Variants in CNTNAP5 observed in about 807,000 individuals in gnomAD.
CNTNAP5 encodes the protein contactin-associated protein-like 5.
A neutral mutation model predicts 150.2 loss-of-function variants in CNTNAP5; 72 were observed. That is an observed-to-expected ratio of 0.48 (90% CI 0.40 to 0.58). The LOEUF (loss-of-function observed/expected upper bound fraction) is 0.58, where lower values mean the gene tolerates loss of function less well. CNTNAP5 is among the 20% of genes least tolerant of loss of function. The pLI is 0.00. For synonymous variants in CNTNAP5, 672 were observed against 619.8 expected (o/e 1.08, Z -1.25); for missense variants, 1,636 against 1,626.2 (o/e 1.01, Z -0.10).
intron 16 of CNTNAP5, among the ~76,000 whole-genome samples, chr2:124,765,686 T>A (rs1284430265): frequency 6.6e-6 from 1 of 152,178 alleles, no homozygotes; most frequent in Non-Finnish European, 1.5e-5. Flanking sequence ...CAAGGCGCAG[T>A]GGCTCACACC....
intron 1 of CNTNAP5, among the ~76,000 whole-genome samples, chr2:124,049,174 A>G (rs1681624923): frequency 6.6e-6 from 1 of 152,152 alleles, no homozygotes; most frequent in Admixed American, 6.5e-5. Flanking sequence ...TTCATTTGGT[A>G]CCACAACAAG....
chr2:124,580,576 G>A (rs181624109), intron 11 of CNTNAP5, among the ~76,000 whole-genome samples: 2 of 152,340 alleles, frequency 1.3e-5, no homozygotes, highest in Non-Finnish European at 2.9e-5. Flanking sequence ...ACACTTAAAT[G>A]TAATTTGGCT....
intron 13 of CNTNAP5, among the ~76,000 whole-genome samples, chr2:124,670,215 CTCTTTCTT>C (rs140009258): frequency 0.24 from 33,111 of 140,572 alleles, 4,270 homozygotes; most frequent in African/African-American, 0.37. Context: ...CCTTCTTTCC[CTCTTTCTT>C]TCTTTCTTTC....
intron 13 of CNTNAP5, among the ~76,000 whole-genome samples, chr2:124,698,084 A>T (rs548646096): frequency 6.6e-6 from 1 of 152,172 alleles, no homozygotes; most frequent in East Asian, 1.9e-4. Flanking sequence ...TTTTTTCCCC[A>T]AATAATGATA....
At chr2:124,662,947 A>G (rs1173447768) in intron 13 of CNTNAP5, among the ~76,000 whole-genome samples, 4 of 152,224 alleles carry the variant, frequency 2.6e-5, no homozygotes, top group Non-Finnish European at 4.4e-5. Context: ...AGAAAAAGGA[A>G]AGCTGTTAAC....
At chr2:124,525,099 GAAGA>G (rs1694933852) in intron 9 of CNTNAP5, among the ~76,000 whole-genome samples, 1 of 152,170 alleles carries the variant, frequency 6.6e-6, no homozygotes, top group East Asian at 1.9e-4. Flanking sequence ...AGCTGATGGT[GAAGA>G]AAAACATAAT....
In CNTNAP5 at chr2:124,740,836, TGACCTGCTGG is replaced by T; in HGVS notation, c.2078-6391_2078-6382del. 3.9e-5 allele frequency among the ~76,000 whole-genome samples: 6 copies of T among 152,282 alleles called. 1 individual carries two copies. The South Asian group carries it at 1.2e-3, about 32-fold the overall frequency. On this transcript the variant is annotated intron_variant, in intron 13 of 23. Coordinates refer to ENST00000682447, the MANE Select transcript of CNTNAP5 (RefSeq NM_001367498.1). ...TCTGGGGCCGTGGCTGGAGAGGTCA[TGACCTGCTGG>T]GGCATGTTCCCAGGGTCATGTCAAG...
intron 3 of CNTNAP5, among the ~76,000 whole-genome samples, chr2:124,328,222 C>T (rs1404000529): frequency 1.3e-5 from 2 of 151,792 alleles, no homozygotes; most frequent in Admixed American, 6.6e-5. Flanking sequence ...CAAGTTGGTA[C>T]TTTAGAGTAA....
At chr2:124,550,246 C>A (rs1267389229) in intron 10 of CNTNAP5, among the ~76,000 whole-genome samples, 1 of 151,996 alleles carries the variant, frequency 6.6e-6, no homozygotes, top group Admixed American at 6.6e-5. Flanking sequence ...AAAATAAAAC[C>A]CCACAATTTG....
At chr2:124,452,724 C>T (rs982527392) in intron 6 of CNTNAP5, among the ~76,000 whole-genome samples, 4 of 152,134 alleles carry the variant, frequency 2.6e-5, no homozygotes, top group Non-Finnish European at 1.5e-5. Context: ...ACCCGCAGTA[C>T]CAGCACAGAG....
intron 3 of CNTNAP5, among the ~76,000 whole-genome samples, chr2:124,363,106 A>G (rs115649158): frequency 6.6e-6 from 1 of 152,322 alleles, no homozygotes; most frequent in Non-Finnish European, 1.5e-5. Context: ...TGAAGGCACT[A>G]TGATGTTTGT....
intron 19 of CNTNAP5, among the ~76,000 whole-genome samples, chr2:124,816,645 T>G (rs1682368987): frequency 6.6e-6 from 1 of 151,822 alleles, no homozygotes; most frequent in African/African-American, 2.4e-5. Context: ...ACCTGGCTAA[T>G]TTTTGTATTT....
In CNTNAP5 at chr2:124,172,638, T is replaced by A. The variant is rs370395179; in HGVS notation, c.83-49067T>A. On this transcript the variant is annotated intron_variant, in intron 1 of 23. Coordinates refer to ENST00000682447, the MANE Select transcript of CNTNAP5 (RefSeq NM_001367498.1). The stretch of plus-strand genomic sequence containing the variant: ...CATGTTGCTCAAGCTGATCTCGAAC[T>A]TCTGAGCTCTAGCAATCTGTCCTTC... Among the ~76,000 whole-genome samples, 11 of 152,300 alleles carry A rather than the reference T, an allele frequency of 7.2e-5. No individual in the cohort carries two copies. The East Asian group carries it at 1.7e-3, about 24-fold the overall frequency.
intron 6 of CNTNAP5, among the ~76,000 whole-genome samples, chr2:124,457,535 T>C (rs529325792): frequency 6.6e-6 from 1 of 152,088 alleles, no homozygotes; most frequent in Non-Finnish European, 1.5e-5. Context: ...TAGGAAAATG[T>C]CTTTTTATTA....
intron 1 of CNTNAP5, among the ~76,000 whole-genome samples, chr2:124,085,921 G>A (rs1682677042): frequency 6.6e-6 from 1 of 152,092 alleles, no homozygotes; most frequent in Admixed American, 6.5e-5. Flanking sequence ...CCACAATATG[G>A]TCTGTCTTGA....
chr2:124,844,005 T>A (rs2104695626), intron 19 of CNTNAP5, among the ~76,000 whole-genome samples: 1 of 152,292 alleles, frequency 6.6e-6, no homozygotes, highest in Admixed American at 6.5e-5. Flanking sequence ...AGCTTTTTAG[T>A]TTAATTAAGT....
At chr2:124,511,906 C>T (rs796879046) in intron 8 of CNTNAP5, among the ~76,000 whole-genome samples, 7 of 145,414 alleles carry the variant, frequency 4.8e-5, no homozygotes, top group South Asian at 2.3e-4. Flanking sequence ...AATTAGGAGA[C>T]AAATATCTAA....
intron 7 of CNTNAP5, among the ~76,000 whole-genome samples, chr2:124,485,971 A>G (rs1357854200): frequency 1.3e-5 from 2 of 152,216 alleles, no homozygotes; most frequent in Non-Finnish European, 2.9e-5. Context: ...ACCCAGAGGA[A>G]AATAAGTCCC....
At chr2:124,468,895 C>T (rs1693441917) in intron 6 of CNTNAP5, among the ~76,000 whole-genome samples, 1 of 152,208 alleles carries the variant, frequency 6.6e-6, no homozygotes, top group Non-Finnish European at 1.5e-5. Flanking sequence ...TCTTCCTCAG[C>T]CTTTGCTAAC....
Sources: allele counts gnomAD v4.1 joint callset (sites outside exome capture counted in the v4.1 genomes callset), GRCh38; gene constraint gnomAD v4.1.1; transcripts MANE v1.5; gene names NCBI Gene and HGNC (gene_info 2026-07-23, HGNC 2026-07-21).